KCNG2: variants seen among roughly 807,000 people sequenced by gnomAD.
The protein encoded by KCNG2 is voltage-gated potassium channel regulatory subunit KCNG2.
KCNG2 carries 7 observed loss-of-function variants against 12.3 expected under a neutral mutation model. That is an observed-to-expected ratio of 0.57 (90% CI 0.32 to 1.07). The LOEUF (loss-of-function observed/expected upper bound fraction) is 1.07. KCNG2 is among the 50% of genes least tolerant of loss of function. The pLI is 0.04. For missense variants in KCNG2, 703 were observed against 726.0 expected (o/e 0.97, Z 0.36); for synonymous variants, 414 against 351.4 (o/e 1.18, Z -1.99).
chr18:79,863,572 G>A (rs1979306513), intron 2 of KCNG2, 56 bp from the exon 3 acceptor site: 2 of 1,131,740 alleles, frequency 1.8e-6, no homozygotes, highest in Non-Finnish European at 2.2e-6. Flanking sequence ...CCCGCGGGCG[G>A]ACGCGCTCCC....
At chr18:79,809,310 G>T (rs1156739517) in intron 1 of KCNG2, among the ~76,000 whole-genome samples, 13 of 81,720 alleles carry the variant, frequency 1.6e-4, no homozygotes, top group South Asian at 1.6e-3. Context: ...CACGTTATGG[G>T]CCCAGAGTCC....
At chr18:79,854,517 TGCC>T in intron 1 of KCNG2, among the ~76,000 whole-genome samples, 2 of 143,478 alleles carry the variant, frequency 1.4e-5, no homozygotes, top group Admixed American at 1.5e-4. Flanking sequence ...CTTTATACAT[TGCC>T]TTTCATTGGC....
chr18:79,873,095 C>T (rs549183024), intron 3 of KCNG2, among the ~76,000 whole-genome samples: 6 of 152,222 alleles, frequency 3.9e-5, no homozygotes, highest in Non-Finnish European at 7.4e-5. Flanking sequence ...ACAGGATGGG[C>T]AGCAGGGTGG....
At chr18:79,891,193 C>T (rs183268287) in intron 3 of KCNG2, among the ~76,000 whole-genome samples, 120 of 152,110 alleles carry the variant, frequency 7.9e-4, no homozygotes, top group African/African-American at 2.8e-3. Context: ...GCATTGAAAG[C>T]TATAAATTTC....
intron 1 of KCNG2, among the ~76,000 whole-genome samples, chr18:79,853,359 A>C (rs977726531): frequency 3.9e-5 from 6 of 152,144 alleles, no homozygotes; most frequent in African/African-American, 7.2e-5. Flanking sequence ...GCCGAGCGTG[A>C]GGGGTCACCA....
chr18:79,823,586 G>A (rs934769067), intron 1 of KCNG2, among the ~76,000 whole-genome samples: 13 of 152,140 alleles, frequency 8.5e-5, no homozygotes, highest in African/African-American at 2.7e-4. Context: ...ACGTGTGAGA[G>A]TCATTTTTAT....
chr18:79,823,054 T>C lies in KCNG2; in HGVS notation c.-115+25040T>C, dbSNP rs113834422. 7.9e-5 allele frequency among the ~76,000 whole-genome samples: 12 copies of C among 152,328 alleles called. 1 individual carries two copies. Among genetic ancestry groups the C allele is most frequent in the African/African-American group, 2.9e-4 (12 of 41,584 alleles). Reference sequence around the variant, plus strand: ...CTTAGTTTCTGTTCATCCTCCTCTGTTCCTCCTGCACAGCCAGGCAGGCAC... The same window carrying C: ...CTTAGTTTCTGTTCATCCTCCTCTGCTCCTCCTGCACAGCCAGGCAGGCAC... On this transcript the variant is annotated intron_variant, in intron 1 of 3. Transcript: ENST00000316249.
At chr18:79,873,290 C>T (rs535979189) in intron 3 of KCNG2, among the ~76,000 whole-genome samples, 2 of 152,258 alleles carry the variant, frequency 1.3e-5, no homozygotes, top group East Asian at 3.9e-4. Context: ...TGTTTTTTCC[C>T]AGGCTGTTGT....
chr18:79,873,471 C>T (rs979249474), intron 3 of KCNG2, among the ~76,000 whole-genome samples: 10 of 143,860 alleles, frequency 7.0e-5, no homozygotes, highest in Admixed American at 4.2e-4. Flanking sequence ...AGATCCTCTG[C>T]GTGGCCACCG....
In KCNG2 at chr18:79,878,774, C is replaced by T. The variant is rs188204908; in HGVS notation, c.624+14483C>T. On this transcript the variant is annotated intron_variant, in intron 3 of 3. Transcript: ENST00000316249. Reference sequence around the variant, plus strand: ...AGAAAAGAGTGTAAATCCACATGGACGGTGCAGGCAGGAATGGATACAGTG... The same window carrying T: ...AGAAAAGAGTGTAAATCCACATGGATGGTGCAGGCAGGAATGGATACAGTG... Among the ~76,000 whole-genome samples, 74 of 152,320 alleles carry T rather than the reference C, an allele frequency of 4.9e-4. No individual in the cohort carries two copies. The East Asian group carries it at 6.6e-3, about 13-fold the overall frequency.
chr18:79,854,071 C>T (rs1358629592), intron 1 of KCNG2, among the ~76,000 whole-genome samples: 1 of 152,272 alleles, frequency 6.6e-6, no homozygotes, highest in African/African-American at 2.4e-5. Flanking sequence ...CAGGCGGCCC[C>T]TGGGGAGCAC....
At chr18:79,844,237 ACAT>A (rs1254547252) in intron 1 of KCNG2, among the ~76,000 whole-genome samples, 6 of 152,248 alleles carry the variant, frequency 3.9e-5, no homozygotes, top group African/African-American at 1.2e-4. Flanking sequence ...ACACAACAAA[ACAT>A]CATTCAGCCT....
intron 1 of KCNG2, among the ~76,000 whole-genome samples, chr18:79,850,101 G>A (rs1354672703): frequency 6.6e-6 from 1 of 152,220 alleles, no homozygotes; most frequent in Admixed American, 6.5e-5. Flanking sequence ...CAGCACACAC[G>A]TGCACACATA....
chr18:79,851,642 AGT>A (rs1461992774), intron 1 of KCNG2, among the ~76,000 whole-genome samples: 1 of 151,784 alleles, frequency 6.6e-6, no homozygotes, highest in East Asian at 1.9e-4. Context: ...GCGGTGTGCA[AGT>A]GTGAGTGAAT....
intron 1 of KCNG2, among the ~76,000 whole-genome samples, chr18:79,848,483 G>T (rs1978699472): frequency 6.6e-6 from 1 of 152,218 alleles, no homozygotes; most frequent in African/African-American, 2.4e-5. Context: ...CACGGCCTCA[G>T]TGTCGGCCTC....
intron 3 of KCNG2, among the ~76,000 whole-genome samples, chr18:79,877,982 G>A (rs1020808132): frequency 1.3e-5 from 2 of 150,100 alleles, no homozygotes; most frequent in Admixed American, 6.6e-5. Flanking sequence ...CTGTGGCCAC[G>A]TCCTGAGACT....
intron 3 of KCNG2, among the ~76,000 whole-genome samples, chr18:79,893,111 G>C (rs1399097242): frequency 2.0e-5 from 3 of 150,108 alleles, no homozygotes; most frequent in Non-Finnish European, 4.4e-5. Flanking sequence ...CATATAGTTG[G>C]GTCTCTGCTT....
At chr18:79,893,220 A>T (rs1458482846) in intron 3 of KCNG2, among the ~76,000 whole-genome samples, 6 of 150,710 alleles carry the variant, frequency 4.0e-5, no homozygotes, top group African/African-American at 1.5e-4. Context: ...TTCACATCTA[A>T]TGGTACGATT....
In KCNG2 at chr18:79,804,334, T is replaced by A. The variant is rs1406980118; in HGVS notation, c.-115+6320T>A. ...CACCCACTGATCACTGCATGGGGTA[T>A]GCACACGGTGTGCTGAGCTCCTGCC... On this transcript the variant is annotated intron_variant, in intron 1 of 3. Transcript: ENST00000316249. 2.6e-5 allele frequency among the ~76,000 whole-genome samples: 4 copies of A among 152,338 alleles called. No individual in the cohort carries two copies. In the East Asian group the frequency reaches 7.7e-4, roughly 29 times the overall value.
Sources: gnomAD v4.1 joint callset for allele counts (sites outside exome capture counted in the v4.1 genomes callset) on GRCh38, gnomAD v4.1.1 for gene constraint, MANE v1.5 for transcripts, NCBI Gene and HGNC (gene_info 2026-07-23, HGNC 2026-07-21) for gene names.